SRBD1: variants seen among roughly 807,000 people sequenced by gnomAD.
SRBD1 encodes S1 RNA-binding domain-containing protein 1.
Under a neutral mutation model 115.3 loss-of-function variants are expected in SRBD1, and 88 were observed. That is an observed-to-expected ratio of 0.76 (90% CI 0.64 to 0.91). The LOEUF is 0.91. Ranked by LOEUF, SRBD1 falls within the 40% of genes least tolerant of loss-of-function variation. SRBD1 has a pLI of 0.00. For missense variants in SRBD1, 1,385 were observed against 1,177.4 expected (o/e 1.18, Z -2.58); for synonymous variants, 509 against 407.7 (o/e 1.25, Z -2.99).
chr2:45,556,861 G>T (rs1311561750), intron 10 of SRBD1, among the ~76,000 whole-genome samples: 2 of 152,096 alleles, frequency 1.3e-5, no homozygotes, highest in Admixed American at 6.5e-5. Flanking sequence ...TTGAATTGTT[G>T]TGAGTTAACA....
chr2:45,412,562 GAACT>G (rs929830427), intron 19 of SRBD1, among the ~76,000 whole-genome samples: 2 of 151,890 alleles, frequency 1.3e-5, no homozygotes, highest in African/African-American at 2.4e-5. Context: ...CACTGTTTTT[GAACT>G]AATTAAAAAA....
At position 45,585,727 on chromosome 2, in the gene SRBD1, G is replaced by A. The variant is rs769738961; in HGVS notation, c.696C>T (p.Ile232=). The A allele has an allele frequency of 5.0e-6, 8 of 1,611,234 alleles. No homozygotes were observed. Among genetic ancestry groups the A allele is most frequent in the Non-Finnish European group, 6.8e-6 (8 of 1,179,350 alleles). ...TNIEPWVCAN[I]IRLFNDDNTI... Reference sequence around the variant, plus strand: ...TGTTATCATCATTAAAGAGACGAATGATGTTGGCACAAACCCAAGGTTCAA... The same window carrying A: ...TGTTATCATCATTAAAGAGACGAATAATGTTGGCACAAACCCAAGGTTCAA... The change falls in exon 5 of 21, where the codon ATC becomes ATT. Residue 232 remains isoleucine, a synonymous_variant. Transcript: ENST00000263736.
At chr2:45,600,746 C>A (rs1674067139) in intron 3 of SRBD1, among the ~76,000 whole-genome samples, 1 of 152,160 alleles carries the variant, frequency 6.6e-6, no homozygotes, top group Admixed American at 6.5e-5. Context: ...AAGATAAAGA[C>A]CCTACCCCTA....
intron 16 of SRBD1, among the ~76,000 whole-genome samples, chr2:45,436,134 C>A (rs1322725717): frequency 6.6e-6 from 1 of 151,842 alleles, no homozygotes; most frequent in African/African-American, 2.4e-5. Context: ...TCTATCACAT[C>A]AACAAGCTAA....
intron 17 of SRBD1, 89 bp downstream of exon 17, chr2:45,419,699 T>A (rs1667939385): frequency 1.8e-6 from 2 of 1,115,696 alleles, no homozygotes; most frequent in Non-Finnish European, 2.7e-6. Context: ...GACAACTTTA[T>A]ACACGTGTTC....
Position 45,537,263 on chromosome 2 carries a change from G to A in SRBD1, c.1874+9469C>T, listed in dbSNP as rs542479851. Among the ~76,000 whole-genome samples, 669 of 152,178 alleles carry A rather than the reference G, an allele frequency of 4.4e-3. 15 individuals carry two copies. The highest frequency in any genetic ancestry group is 5.5e-3 in the Non-Finnish European group (374 of 68,004). ...ATGTGTCTCATATACCAAGAATATC[G>A]GTTATACCTATACTTACCTAAAAAT... On this transcript the variant is annotated intron_variant, in intron 14 of 20. Transcript: ENST00000263736.
chr2:45,447,172 C>T (rs1370912535), intron 16 of SRBD1: 2 of 152,260 alleles, frequency 1.3e-5, no homozygotes, highest in Middle Eastern at 3.1e-3. Flanking sequence ...ATGTTGAGGT[C>T]GGGCGCAGTG....
rs184272072 is a variant in SRBD1 at position 45,606,117 on chromosome 2, T to C, written c.1-676A>G. Among the ~76,000 whole-genome samples, 586 of 151,674 alleles carry C rather than the reference T, an allele frequency of 3.9e-3. 6 individuals carry two copies. The highest frequency in any genetic ancestry group is 0.013 in the African/African-American group (557 of 41,458). On this transcript the variant is annotated intron_variant, in intron 1 of 20. Transcript: ENST00000263736. ...AGGCAGCCCCTTACAAAGTCCTTTA[T>C]TAAACTATATCTCAAAGACAGAAAC...
intron 10 of SRBD1, among the ~76,000 whole-genome samples, chr2:45,555,652 A>C (rs1470611679): frequency 6.6e-6 from 1 of 151,724 alleles, no homozygotes; most frequent in South Asian, 2.1e-4. Context: ...ATACCCGGCT[A>C]ATTTTTTGTT....
intron 15 of SRBD1, among the ~76,000 whole-genome samples, chr2:45,480,049 A>G (rs966951760): frequency 1.3e-5 from 2 of 152,150 alleles, no homozygotes; most frequent in Admixed American, 6.6e-5. Context: ...GGTTTACTGA[A>G]TATTTTAAGC....
At chr2:45,515,070 T>C (rs1365205129) in intron 14 of SRBD1, among the ~76,000 whole-genome samples, 1 of 152,124 alleles carries the variant, frequency 6.6e-6, no homozygotes, top group Admixed American at 6.6e-5. Flanking sequence ...TGGAAATTAA[T>C]ACTGTTTCAA....
rs556647294 is a variant in SRBD1, at chr2:45,468,410, C to T, written c.2049+8583G>A. 3.9e-4 allele frequency among the ~76,000 whole-genome samples: 57 copies of T among 145,804 alleles called. No individual in the cohort carries two copies. The South Asian group carries it at 0.011, about 27-fold the overall frequency. Reference sequence around the variant, plus strand: ...GAACTTTTTTTTTTTTTTTTTGACACAGGGTCTCACTCTGTTGCCCTGGCT... The same window carrying T: ...GAACTTTTTTTTTTTTTTTTTGACATAGGGTCTCACTCTGTTGCCCTGGCT... On this transcript the variant is annotated intron_variant, in intron 16 of 20. Coordinates refer to ENST00000263736, the MANE Select transcript of SRBD1 (RefSeq NM_018079.5).
At chr2:45,428,726 A>G (rs892747076) in intron 16 of SRBD1, among the ~76,000 whole-genome samples, 3 of 152,152 alleles carry the variant, frequency 2.0e-5, no homozygotes, top group African/African-American at 4.8e-5. Context: ...AAGATCTAAA[A>G]TTGACACTCT....
chr2:45,438,976 A>T (rs1668581055), intron 16 of SRBD1, among the ~76,000 whole-genome samples: 1 of 152,172 alleles, frequency 6.6e-6, no homozygotes, highest in Non-Finnish European at 1.5e-5. Context: ...AAATTGTCAA[A>T]GTAGCCAGAG....
intron 20 of SRBD1, among the ~76,000 whole-genome samples, chr2:45,390,733 G>C (rs1005657139): frequency 1.3e-5 from 2 of 152,058 alleles, no homozygotes; most frequent in Non-Finnish European, 2.9e-5. Flanking sequence ...ATTAACAACT[G>C]GTCACCCCTT....
At chr2:45,557,856 A>C (rs1672531949) in intron 10 of SRBD1, among the ~76,000 whole-genome samples, 1 of 152,220 alleles carries the variant, frequency 6.6e-6, no homozygotes, top group African/African-American at 2.4e-5. Flanking sequence ...GAATAAAACT[A>C]AGGAGGACTC....
intron 16 of SRBD1, among the ~76,000 whole-genome samples, chr2:45,451,602 A>G (rs896725099): frequency 6.6e-6 from 1 of 152,024 alleles, no homozygotes; most frequent in Admixed American, 6.6e-5. Flanking sequence ...GACACACAAC[A>G]GCAAAAAGAT....
At chr2:45,415,844 A>G (rs1215549365) in intron 18 of SRBD1, among the ~76,000 whole-genome samples, 1 of 150,306 alleles carries the variant, frequency 6.7e-6, no homozygotes, top group African/African-American at 2.5e-5. Context: ...ATCCCAGATC[A>G]TCTTATCATG....
intron 16 of SRBD1, among the ~76,000 whole-genome samples, chr2:45,439,392 AATGCATATATATATAT>A (rs1366535657): frequency 3.6e-5 from 5 of 139,328 alleles, no homozygotes; most frequent in African/African-American, 6.2e-5. Flanking sequence ...ACAATTGATG[AATGCATATATATATAT>A]ATGCATATAT....
Sources: allele counts gnomAD v4.1 joint callset (sites outside exome capture counted in the v4.1 genomes callset), GRCh38; gene constraint gnomAD v4.1.1; transcripts MANE v1.5; gene names NCBI Gene and HGNC (gene_info 2026-07-23, HGNC 2026-07-21).